Variants in PSAT1 observed in about 807,000 individuals in gnomAD.
PSAT1 encodes phosphoserine aminotransferase.
In PSAT1, 41 loss-of-function variants were observed where a neutral mutation model predicts 40.3. The observed-to-expected ratio is 1.02, with a 90% CI of 0.79 to 1.32. PSAT1 has a LOEUF of 1.32. Ranked by LOEUF, PSAT1 falls within the 40% of genes most tolerant of loss-of-function variation. The pLI, the probability that PSAT1 is intolerant of heterozygous loss-of-function variation, is 0.00. For synonymous variants in PSAT1, 147 were observed against 170.5 expected, an observed-to-expected ratio of 0.86 and a Z score of 1.07; for missense variants, 406 against 455.8, an observed-to-expected ratio of 0.89 and a Z score of 0.99.
chr9:78,317,811 C>A lies in PSAT1; in HGVS notation c.869+7C>A. On this transcript the variant is annotated splice_region_variant and intron_variant, in intron 7 of 8. Coordinates refer to ENST00000376588, the MANE Select transcript of PSAT1 (RefSeq NM_058179.4). ...ATTCTCAAGGATTCTACGTGTAAGTCAATGGATTTTATCTCCTATTTTGCC... is the reference window on the plus strand; with the variant it reads ...ATTCTCAAGGATTCTACGTGTAAGTAAATGGATTTTATCTCCTATTTTGCC... The A allele has an allele frequency of 6.2e-7, 1 of 1,611,804 alleles. No homozygotes were observed. Among genetic ancestry groups the A allele is most frequent in the South Asian group, 1.1e-5 (1 of 90,960 alleles).
rs561128558 is a variant in PSAT1, at chr9:78,320,758, G to T, written c.869+2954G>T. Among the ~76,000 whole-genome samples, 90 of 151,662 alleles carry T rather than the reference G, an allele frequency of 5.9e-4. No homozygotes were observed. The South Asian group carries it at 0.018, about 31-fold the overall frequency. On this transcript the variant is annotated intron_variant, in intron 7 of 8. Transcript: ENST00000376588. ...CTAGCCTTGTTCTAGGCTCCTGGAA[G>T]ACCGAGAAGAATAAATCATCTTCCC...
rs3739471 is a variant in PSAT1, at chr9:78,301,937, T to C, written c.122-17T>C. On this transcript the variant is annotated splice_polypyrimidine_tract_variant and intron_variant, in intron 2 of 8. Transcript: ENST00000376588. ...AGCTGGAATATTTGTTATTGTTGTT[T>C]ATCTTTCCTTTCACAGAAATGAGTC... 1.5e-4 allele frequency: 243 copies of C among 1,582,432 alleles called. No individual in the cohort carries two copies. In the East Asian group the frequency reaches 4.4e-3, roughly 28 times the overall value.
intron 5 of PSAT1, 138 bp downstream of exon 5, chr9:78,306,624 A>G: frequency 9.3e-7 from 1 of 1,079,310 alleles, no homozygotes; most frequent in Non-Finnish European, 1.4e-6. Context: ...GCCAGTGAGC[A>G]GGCTGCCAGG....
At position 78,306,124 on chromosome 9, in the gene PSAT1, C is replaced by T. The variant is rs549672237; in HGVS notation, c.398-190C>T. ...AAAGTCGAAAGGTTGGATCGCTCAT[C>T]CTCTCAGGATGTTGATAACGATGGT... On this transcript the variant is annotated intron_variant, in intron 4 of 8. Transcript: ENST00000376588. Among the ~76,000 whole-genome samples, 137 of 152,324 alleles carry T rather than the reference C, an allele frequency of 9.0e-4. 2 individuals carry two copies. Among genetic ancestry groups the T allele is most frequent in the Non-Finnish European group, 1.6e-3 (108 of 68,036 alleles).
intron 7 of PSAT1, among the ~76,000 whole-genome samples, chr9:78,318,793 T>C (rs530201048): frequency 1.1e-4 from 16 of 152,312 alleles, no homozygotes; most frequent in African/African-American, 3.8e-4. Context: ...TATTCACAGA[T>C]TCTGGGGGTT....
chr9:78,300,988 T>C (rs570440011), intron 2 of PSAT1, among the ~76,000 whole-genome samples: 3 of 152,270 alleles, frequency 2.0e-5, no homozygotes, highest in East Asian at 1.9e-4. Flanking sequence ...TCCTCCCACA[T>C]TGGCCTCCCA....
intron 6 of PSAT1, among the ~76,000 whole-genome samples, chr9:78,315,761 A>G (rs1360415793): frequency 6.6e-6 from 1 of 152,192 alleles, no homozygotes; most frequent in African/African-American, 2.4e-5. Flanking sequence ...CTTGGGTCCC[A>G]CTTGAGACAG....
chr9:78,326,058 C>T (rs1432476735), intron 7 of PSAT1, among the ~76,000 whole-genome samples: 1 of 152,140 alleles, frequency 6.6e-6, no homozygotes, highest in Non-Finnish European at 1.5e-5. Flanking sequence ...AGCCGTGAAA[C>T]CTACCACTTC....
At position 78,306,357 on chromosome 9, in the gene PSAT1, C is replaced by T. The variant is rs748560937; in HGVS notation, c.441C>T (p.Ser147=). Residue 147 remains serine, a synonymous_variant, in exon 5 of 9, where the codon TCC becomes TCT. Coordinates refer to ENST00000376588, the MANE Select transcript of PSAT1 (RefSeq NM_058179.4). ...CCTGGAACCTCAACCCAGATGCCTC[C>T]TACGTGTATTATTGCGCAAATGAGA... ...PSTWNLNPDA[S]YVYYCANETV... is the part of the protein sequence containing the mutation. The T allele has an allele frequency of 1.2e-6, 2 of 1,612,942 alleles. No homozygotes were observed. The highest frequency in any genetic ancestry group is 2.2e-5 in the East Asian group (1 of 44,880).
intron 6 of PSAT1, among the ~76,000 whole-genome samples, chr9:78,310,616 A>AT (rs61004589): frequency 1.1e-3 from 157 of 145,918 alleles, no homozygotes; most frequent in East Asian, 4.3e-3. Flanking sequence ...AAAGGAAAGA[A>AT]TTTTTTTTTT....
chr9:78,308,341 A>G, intron 5 of PSAT1, 73 bp from the exon 6 acceptor site: 1 of 1,528,646 alleles, frequency 6.5e-7, no homozygotes, highest in Admixed American at 1.7e-5. Context: ...CTTCGGGAAG[A>G]GTTGGGAAGT....
intron 6 of PSAT1, among the ~76,000 whole-genome samples, chr9:78,310,485 G>A (rs916656415): frequency 4.6e-5 from 7 of 152,132 alleles, no homozygotes; most frequent in African/African-American, 1.4e-4. Context: ...TTAAAGGAGC[G>A]TAGGAAAGAG....
At position 78,300,772 on chromosome 9, in the gene PSAT1, G is replaced by A. The variant is rs1828096559; in HGVS notation, c.121+110G>A. 2.8e-6 allele frequency: 4 copies of A among 1,418,924 alleles called. No homozygotes were observed. In the South Asian group the frequency reaches 6.0e-5, roughly 21 times the overall value. 87.9% of individuals were successfully genotyped at this position (1,418,924 alleles called of 1,614,324 possible). A position where few individuals can be genotyped will look rare whatever the true frequency, so the allele number is the denominator to read the frequency against. On this transcript the variant is annotated intron_variant, in intron 2 of 8. Coordinates refer to ENST00000376588, the MANE Select transcript of PSAT1 (RefSeq NM_058179.4). Reference sequence around the variant, plus strand: ...GCTCTGTCACCCAGGCTGGAGTACAGTGGCGTGATCATAGTTCACTGCAGC... The same window carrying A: ...GCTCTGTCACCCAGGCTGGAGTACAATGGCGTGATCATAGTTCACTGCAGC...
At chr9:78,308,336 G>A in intron 5 of PSAT1, 78 bp from the exon 6 acceptor site, 1 of 1,519,000 alleles carries the variant, frequency 6.6e-7, no homozygotes, top group African/African-American at 1.4e-5. Context: ...TTGTGCTTCG[G>A]GAAGAGTTGG....
At chr9:78,320,689 G>A (rs1439056531) in intron 7 of PSAT1, among the ~76,000 whole-genome samples, 3 of 37,864 alleles carry the variant, frequency 7.9e-5, no homozygotes, top group African/African-American at 9.9e-5. Context: ...CCATCCAACC[G>A]TCCATCCATC....
chr9:78,302,990 A>T (rs912055951), intron 3 of PSAT1, among the ~76,000 whole-genome samples: 1 of 152,180 alleles, frequency 6.6e-6, no homozygotes, highest in African/African-American at 2.4e-5. Context: ...TGTTCACATA[A>T]ACCTACGAAT....
Position 78,304,972 on chromosome 9 carries a change from G to A in PSAT1, c.397+32G>A, listed in dbSNP as rs190806356. 7.4e-4 allele frequency: 1,181 copies of A among 1,595,876 alleles called. 7 individuals carry two copies. The highest frequency in any genetic ancestry group is 1.8e-4 in the Non-Finnish European group (208 of 1,165,786). Reference sequence around the variant, plus strand: ...TCTGGGAGCTGAGCTGGGTGGTGACGTGCTCAATGGTGGGTTACCCCGACC... The same window carrying A: ...TCTGGGAGCTGAGCTGGGTGGTGACATGCTCAATGGTGGGTTACCCCGACC... On this transcript the variant is annotated intron_variant, in intron 4 of 8. Coordinates refer to ENST00000376588, the MANE Select transcript of PSAT1 (RefSeq NM_058179.4).
chr9:78,306,433 C>G lies in PSAT1; in HGVS notation c.517C>G (p.Leu173Val). 1 of 1,614,186 alleles carries G rather than the reference C, an allele frequency of 6.2e-7. No homozygotes were observed. Among genetic ancestry groups the G allele is most frequent in the Non-Finnish European group, 8.5e-7 (1 of 1,180,052 alleles). The stretch of plus-strand genomic sequence containing the variant: ...TATACCCGATGTCAAGGGAGCAGTA[C>G]TGGTTTGTGACATGTCCTCAAACTT... ...DFIPDVKGAV[L>V]VCDMSSNFLS... The change falls in exon 5 of 9, where the codon CTG (leucine) becomes GTG (valine). Residue 173 changes from leucine to valine, a missense_variant. By Grantham distance (32) the Leu-to-Val change is conservative. Transcript: ENST00000376588.
chr9:78,299,971 T>A (rs750234449), intron 1 of PSAT1, among the ~76,000 whole-genome samples: 25 of 152,204 alleles, frequency 1.6e-4, no homozygotes, highest in Non-Finnish European at 3.1e-4. Flanking sequence ...TTGCACTTAT[T>A]TTGTGTTCAT....
Sources: gnomAD v4.1 joint callset for allele counts (sites outside exome capture counted in the v4.1 genomes callset) on GRCh38, gnomAD v4.1.1 for gene constraint, MANE v1.5 for transcripts, NCBI Gene and HGNC (gene_info 2026-07-23, HGNC 2026-07-21) for gene names.